The following PDXDC1 variants were observed in gnomAD, a reference collection of about 807,000 sequenced individuals.
PDXDC1 encodes the protein pyridoxal-dependent decarboxylase domain-containing protein 1.
In PDXDC1, 42 loss-of-function variants were observed where a neutral mutation model predicts 100.1. That is an observed-to-expected ratio of 0.42 (90% CI 0.33 to 0.54). PDXDC1 has a LOEUF of 0.54. Among genes scored for constraint, PDXDC1 ranks in the 20% least tolerant of loss-of-function variants. The probability of loss-of-function intolerance (pLI) is 0.10; values close to 1 mark genes in which losing one functional copy is unlikely to be tolerated. For synonymous variants in PDXDC1, 260 were observed against 371.7 expected (o/e 0.70, Z 3.46); for missense variants, 636 against 979.2 (o/e 0.65, Z 4.68).
At position 15,127,734 on chromosome 16, in the gene PDXDC1, C is replaced by T. The variant is rs1180391760; in HGVS notation, c.1400-11145C>T. ...CCCCGTACCACACGGCGTTGGCGCC[C>T]AGGAAGAGGCAGATGAGGAGAACGC... On this transcript the variant is annotated intron_variant, in intron 16 of 16. Transcript: ENST00000535621. The T allele has an allele frequency of 2.6e-6, 4 of 1,535,720 alleles. No homozygotes were observed. The African/African-American group carries it at 4.1e-5, about 16-fold the overall frequency.
chr16:14,991,964 T>C (rs1160693158), intron 1 of PDXDC1, among the ~76,000 whole-genome samples: 5 of 152,294 alleles, frequency 3.3e-5, no homozygotes, highest in African/African-American at 1.2e-4. Flanking sequence ...AATTGGAGAA[T>C]TGAGCCAACT....
chr16:15,142,136 T>C (rs1268032539), downstream of PDXDC1, among the ~76,000 whole-genome samples: 1 of 152,122 alleles, frequency 6.6e-6, no homozygotes. Flanking sequence ...TGAAGATGTT[T>C]GGCCACACCT....
intron 16 of PDXDC1, chr16:15,071,270 T>C: frequency 1.9e-6 from 3 of 1,584,470 alleles, no homozygotes; most frequent in Non-Finnish European, 2.6e-6. Flanking sequence ...AGAGAGGGCG[T>C]CGGTGTGATC....
intron 16 of PDXDC1, among the ~76,000 whole-genome samples, chr16:15,069,203 A>G (rs1171331082): frequency 6.6e-6 from 1 of 152,112 alleles, no homozygotes; most frequent in Admixed American, 6.6e-5. Context: ...ATCTGGAGAC[A>G]CTTTTAGTTG....
At chr16:15,057,267 A>G (rs779999441) in intron 16 of PDXDC1, among the ~76,000 whole-genome samples, 26 of 152,126 alleles carry the variant, frequency 1.7e-4, no homozygotes, top group Non-Finnish European at 3.5e-4. Flanking sequence ...CTCACCCAAA[A>G]TAACTCTATT....
At chr16:15,047,982 T>TGCTTCCTA in intron 16 of PDXDC1, 1 of 1,606,854 alleles carries the variant, frequency 6.2e-7, no homozygotes. Context: ...CCCAATTCAC[T>TGCTTCCTA]GCTTCCTAAC....
At chr16:14,989,925 C>G in intron 1 of PDXDC1, 2 of 1,500,514 alleles carry the variant, frequency 1.3e-6, no homozygotes, top group South Asian at 2.5e-5. Context: ...CGCCTCGCCG[C>G]GCTCCCGCAG....
chr16:15,081,907 T>C (rs1436752441), intron 16 of PDXDC1, among the ~76,000 whole-genome samples: 2 of 152,230 alleles, frequency 1.3e-5, no homozygotes, highest in Non-Finnish European at 2.9e-5. Flanking sequence ...TTTGTTGAAA[T>C]GACTATTCTC....
At chr16:15,135,971 G>A (rs1460423828) in intron 16 of PDXDC1, 54 of 1,571,846 alleles carry the variant, frequency 3.4e-5, no homozygotes, top group African/African-American at 6.7e-5. Context: ...CGGGCACCCC[G>A]GCTGGTGGGC....
chr16:15,019,991 A>G (rs1416234257), intron 12 of PDXDC1, among the ~76,000 whole-genome samples: 3 of 152,200 alleles, frequency 2.0e-5, no homozygotes, highest in Non-Finnish European at 4.4e-5. Flanking sequence ...GGGCGCCTGT[A>G]GTCCCAGCTG....
intron 16 of PDXDC1, among the ~76,000 whole-genome samples, chr16:15,128,810 T>G (rs1420339298): frequency 6.7e-6 from 1 of 150,304 alleles, no homozygotes; most frequent in Admixed American, 6.6e-5. Context: ...TGACAGTATT[T>G]TTTTTTTTTT....
chr16:15,083,609 A>T (rs1053453580), intron 16 of PDXDC1: 1 of 1,587,470 alleles, frequency 6.3e-7, no homozygotes, highest in Non-Finnish European at 8.6e-7. Flanking sequence ...AAATCAATCC[A>T]TGTTAACTTT....
chr16:15,112,363 T>C (rs1251424318), intron 16 of PDXDC1, among the ~76,000 whole-genome samples: 3 of 146,642 alleles, frequency 2.0e-5, no homozygotes, highest in Admixed American at 6.9e-5. Context: ...GGATTACAGG[T>C]GCCTGCTACC....
At chr16:15,027,761 T>TGTTC (rs1403005611) in intron 14 of PDXDC1, among the ~76,000 whole-genome samples, 1 of 152,294 alleles carries the variant, frequency 6.6e-6, no homozygotes, top group Non-Finnish European at 1.5e-5. Flanking sequence ...TCCACCAATG[T>TGTTC]GTTCCTCTGG....
At chr16:15,019,791 A>T (rs547796075) in intron 12 of PDXDC1, among the ~76,000 whole-genome samples, 31 of 152,392 alleles carry the variant, frequency 2.0e-4, no homozygotes, top group Middle Eastern at 3.4e-3. Context: ...TTGTGGGGAC[A>T]TAAATATTCA....
downstream of PDXDC1, among the ~76,000 whole-genome samples, chr16:15,140,447 CA>C (rs888007915): frequency 0.021 from 812 of 39,058 alleles, 10 homozygotes; most frequent in East Asian, 0.15. Flanking sequence ...AGCTCCATCT[CA>C]AAAAAAAAAA....
At chr16:15,123,322 G>C (rs2047532223) in intron 16 of PDXDC1, 3 of 1,306,578 alleles carry the variant, frequency 2.3e-6, no homozygotes, top group African/African-American at 1.4e-5. Context: ...CCAGCTCCCT[G>C]TCCCTGCTTC....
chr16:15,033,542 T>G, intron 19 of PDXDC1, 143 bp downstream of exon 19: 1 of 965,884 alleles, frequency 1.0e-6, no homozygotes, highest in Non-Finnish European at 1.6e-6. Flanking sequence ...CTGGGCCTTG[T>G]GCCAGGTGTC....
chr16:15,033,804 T>C (rs574517858), intron 19 of PDXDC1, among the ~76,000 whole-genome samples: 1 of 152,272 alleles, frequency 6.6e-6, no homozygotes, highest in South Asian at 2.1e-4. Context: ...CTATAGCACT[T>C]CCCACCAGGA....
Sources: gnomAD v4.1 joint callset for allele counts (sites outside exome capture counted in the v4.1 genomes callset) on GRCh38, gnomAD v4.1.1 for gene constraint, MANE v1.5 for transcripts, NCBI Gene and HGNC (gene_info 2026-07-23, HGNC 2026-07-21) for gene names.